Variants in STPG2 observed in about 807,000 individuals in gnomAD.
STPG2 encodes sperm-tail PG-rich repeat-containing protein 2.
STPG2 carries 56 observed loss-of-function variants against 54.2 expected under a neutral mutation model. The ratio of observed to expected loss-of-function variants is 1.03; its 90% CI spans 0.83 to 1.29. The LOEUF (loss-of-function observed/expected upper bound fraction) is 1.29, where lower values mean the gene tolerates loss of function less well. Ranked by LOEUF, STPG2 falls within the 50% of genes most tolerant of loss-of-function variation. The probability of loss-of-function intolerance (pLI) is 0.00; values close to 1 mark genes in which losing one functional copy is unlikely to be tolerated. For missense variants in STPG2, 596 were observed against 544.9 expected (o/e 1.09, Z -0.93); for synonymous variants, 200 against 181.8 (o/e 1.10, Z -0.81).
chr4:97,786,940 A>G (rs936257840), intron 9 of STPG2, among the ~76,000 whole-genome samples: 1 of 152,136 alleles, frequency 6.6e-6, no homozygotes, highest in Non-Finnish European at 1.5e-5. Context: ...TCTATAGGAA[A>G]AAACATAGTA....
At chr4:97,817,348 A>T (rs902523968) in intron 9 of STPG2, among the ~76,000 whole-genome samples, 1 of 151,922 alleles carries the variant, frequency 6.6e-6, no homozygotes, top group Non-Finnish European at 1.5e-5. Flanking sequence ...TACTCTTCAC[A>T]ATCTATTACT....
At chr4:97,567,090 TTAATC>T (rs1283891113) in intron 10 of STPG2, among the ~76,000 whole-genome samples, 3 of 151,826 alleles carry the variant, frequency 2.0e-5, no homozygotes, top group Admixed American at 6.6e-5. Context: ...TTTCATAACA[TTAATC>T]TAATCCTTAC....
intron 8 of STPG2, among the ~76,000 whole-genome samples, chr4:97,884,840 A>T (rs1243574374): frequency 6.6e-6 from 1 of 152,130 alleles, no homozygotes; most frequent in Non-Finnish European, 1.5e-5. Context: ...TAGTGTTATA[A>T]ATTAGAAAAG....
chr4:97,689,399 TTCTC>T (rs1394166670), intron 10 of STPG2, among the ~76,000 whole-genome samples: 1 of 152,032 alleles, frequency 6.6e-6, no homozygotes, highest in East Asian at 1.9e-4. Context: ...GGAGATTTAC[TTCTC>T]TCTCTCTTAC....
chr4:98,015,881 AG>A, intron 5 of STPG2, among the ~76,000 whole-genome samples: 1 of 152,156 alleles, frequency 6.6e-6, no homozygotes, highest in African/African-American at 2.4e-5. Context: ...GCAGCCATAA[AG>A]AAGGATGAGT....
At chr4:97,813,406 C>G (rs1488547075) in intron 9 of STPG2, among the ~76,000 whole-genome samples, 1 of 151,712 alleles carries the variant, frequency 6.6e-6, no homozygotes, top group Non-Finnish European at 1.5e-5. Flanking sequence ...AAGAAAGTAA[C>G]ATTTATTGAG....
chr4:97,443,280 C>T (rs1056070119), intron 4 of STPG2, among the ~76,000 whole-genome samples: 3 of 152,096 alleles, frequency 2.0e-5, no homozygotes, highest in Non-Finnish European at 4.4e-5. Flanking sequence ...AGACTTTGGC[C>T]TTATCGGGAT....
chr4:97,478,451 A>G (rs1251489952), intron 4 of STPG2, among the ~76,000 whole-genome samples: 4 of 152,146 alleles, frequency 2.6e-5, no homozygotes, highest in Non-Finnish European at 5.9e-5. Flanking sequence ...AACTGGAAAA[A>G]TTAATAATAG....
chr4:97,739,668 A>G (rs1197870554), intron 9 of STPG2, among the ~76,000 whole-genome samples: 2 of 152,236 alleles, frequency 1.3e-5, no homozygotes, highest in Admixed American at 6.5e-5. Flanking sequence ...AACCAGGAAG[A>G]AGTTGAATCT....
intron 10 of STPG2, among the ~76,000 whole-genome samples, chr4:97,590,582 T>C (rs957783201): frequency 1.2e-4 from 18 of 151,440 alleles, no homozygotes; most frequent in Non-Finnish European, 2.2e-4. Context: ...GAAGTCAATA[T>C]GGTGAATTAG....
intron 4 of STPG2, among the ~76,000 whole-genome samples, chr4:97,480,029 A>G (rs75957178): frequency 3.4e-3 from 510 of 151,934 alleles, no homozygotes; most frequent in African/African-American, 0.012. Context: ...AAGTTAAATG[A>G]AACTGGTTCT....
At chr4:97,553,708 A>G (rs73831927) in intron 4 of STPG2, among the ~76,000 whole-genome samples, 5,039 of 152,278 alleles carry the variant, frequency 0.033, 207 homozygotes, top group African/African-American at 0.1. Flanking sequence ...CACATTCTCA[A>G]CTTGGTAAGA....
intron 9 of STPG2, among the ~76,000 whole-genome samples, chr4:97,796,868 C>A (rs183798800): frequency 6.6e-6 from 1 of 152,116 alleles, no homozygotes; most frequent in Non-Finnish European, 1.5e-5. Context: ...TCTTTTATTT[C>A]GTTGAGCACT....
chr4:97,546,224 A>G, intron 4 of STPG2, among the ~76,000 whole-genome samples: 1 of 152,102 alleles, frequency 6.6e-6, no homozygotes, highest in East Asian at 1.9e-4. Flanking sequence ...AGAAAATGTA[A>G]TTATATATAA....
chr4:97,745,255 C>CAAA (rs56187258), intron 9 of STPG2, among the ~76,000 whole-genome samples: 1 of 79,632 alleles, frequency 1.3e-5, no homozygotes, highest in African/African-American at 5.0e-5. Flanking sequence ...AAAAAAAAAA[C>CAAA]AAAAAAACAA....
chr4:97,748,289 T>C (rs1051053976), intron 9 of STPG2, among the ~76,000 whole-genome samples: 6 of 151,608 alleles, frequency 4.0e-5, no homozygotes, highest in African/African-American at 1.4e-4. Context: ...AGTTTTCATG[T>C]GAATGTTACT....
At chr4:97,917,650 A>G (rs1016799094) in intron 8 of STPG2, among the ~76,000 whole-genome samples, 9 of 152,232 alleles carry the variant, frequency 5.9e-5, no homozygotes, top group South Asian at 2.1e-4. Flanking sequence ...TCAGGTAAAA[A>G]TATATCTTAA....
chr4:98,100,969 C>T (rs531955599), intron 5 of STPG2, among the ~76,000 whole-genome samples: 11 of 152,108 alleles, frequency 7.2e-5, no homozygotes, highest in Non-Finnish European at 1.5e-4. Context: ...AGCCACTGCA[C>T]CCCGCCTCCT....
chr4:97,479,180 A>G (rs940161961), intron 4 of STPG2, among the ~76,000 whole-genome samples: 1 of 151,974 alleles, frequency 6.6e-6, no homozygotes, highest in Admixed American at 6.6e-5. Context: ...ATAGATAATG[A>G]TTACTCAAAC....
Sources: gnomAD v4.1 joint callset for allele counts (sites outside exome capture counted in the v4.1 genomes callset) on GRCh38, gnomAD v4.1.1 for gene constraint, MANE v1.5 for transcripts, NCBI Gene and HGNC (gene_info 2026-07-23, HGNC 2026-07-21) for gene names.